NR5A2: variants seen among roughly 807,000 people sequenced by gnomAD.
The protein encoded by NR5A2 is nuclear receptor subfamily 5 group A member 2.
A neutral mutation model predicts 62.7 loss-of-function variants in NR5A2; 26 were observed. The observed-to-expected ratio is 0.41, with a 90% confidence interval of 0.30 to 0.58. NR5A2 has a LOEUF of 0.58. Among genes scored for constraint, NR5A2 ranks in the 20% least tolerant of loss-of-function variants. NR5A2 has a pLI of 0.22. For missense variants in NR5A2, 541 were observed against 669.1 expected, an observed-to-expected ratio of 0.81 and a Z score of 2.11; for synonymous variants, 246 against 241.7, an observed-to-expected ratio of 1.02 and a Z score of -0.16.
At chr1:200,040,707 C>A (rs1308846841) in intron 2 of NR5A2, among the ~76,000 whole-genome samples, 1 of 152,222 alleles carries the variant, frequency 6.6e-6, no homozygotes, top group African/African-American at 2.4e-5. Flanking sequence ...GATCCCGGAA[C>A]GCTTCCTGCC....
At chr1:200,111,444 AT>A in intron 6 of NR5A2, 123 bp downstream of exon 6, 3 of 1,097,570 alleles carry the variant, frequency 2.7e-6, no homozygotes, top group Non-Finnish European at 3.8e-6. Context: ...GCTGCCAATA[AT>A]TTAGAAAAGA....
intron 7 of NR5A2, among the ~76,000 whole-genome samples, chr1:200,148,728 T>G (rs1667841168): frequency 6.6e-6 from 1 of 152,234 alleles, no homozygotes; most frequent in Non-Finnish European, 1.5e-5. Flanking sequence ...TGATTTTCTC[T>G]TTTCTTTAAT....
intron 5 of NR5A2, among the ~76,000 whole-genome samples, chr1:200,099,525 A>G (rs1665266762): frequency 6.6e-6 from 1 of 152,052 alleles, no homozygotes; most frequent in African/African-American, 2.4e-5. Context: ...GGCAACCAAA[A>G]TCTTCCTTAA....
At position 200,074,782 on chromosome 1, in the gene NR5A2, A is replaced by G. The variant is rs201112167; in HGVS notation, c.1110+25964A>G. On this transcript the variant is annotated intron_variant, in intron 5 of 7. Transcript: ENST00000367362. Reference sequence around the variant, plus strand: ...CACGAGAGAAACACAAATCTCAAACACTTTAATTTTTTTTTTTTAAATCAC... The same window carrying G: ...CACGAGAGAAACACAAATCTCAAACGCTTTAATTTTTTTTTTTTAAATCAC... Among the ~76,000 whole-genome samples, 96 of 118,526 alleles carry G rather than the reference A, an allele frequency of 8.1e-4. 2 individuals carry two copies. The East Asian group carries it at 0.022, about 27-fold the overall frequency. 77.8% of individuals were successfully genotyped at this position (118,526 alleles called of 152,430 possible). A position where few individuals can be genotyped will look rare whatever the true frequency, so the allele number is the denominator to read the frequency against.
intron 5 of NR5A2, among the ~76,000 whole-genome samples, chr1:200,067,052 T>C (rs900621695): frequency 1.3e-5 from 2 of 152,222 alleles, no homozygotes; most frequent in East Asian, 1.9e-4. Flanking sequence ...ATTGCAGCTA[T>C]GTGAAAACCT....
chr1:200,148,521 C>T (rs779303732), intron 7 of NR5A2, among the ~76,000 whole-genome samples: 9 of 152,198 alleles, frequency 5.9e-5, no homozygotes, highest in South Asian at 2.1e-4. Context: ...CAAACTCAGA[C>T]TCTAGACAAG....
intron 3 of NR5A2, chr1:200,044,658 G>A (rs1272078369): frequency 6.6e-6 from 1 of 151,918 alleles, no homozygotes; most frequent in Non-Finnish European, 1.5e-5. Flanking sequence ...CCACCACCAG[G>A]AAAATCCCTC....
chr1:200,153,507 G>A (rs1653231141), intron 7 of NR5A2, among the ~76,000 whole-genome samples: 1 of 152,072 alleles, frequency 6.6e-6, no homozygotes, highest in Non-Finnish European at 1.5e-5. Context: ...TGCACAGTAG[G>A]GGCTTTCCAA....
chr1:200,172,207 T>A (rs1654214152), intron 7 of NR5A2, among the ~76,000 whole-genome samples: 1 of 152,236 alleles, frequency 6.6e-6, no homozygotes, highest in East Asian at 1.9e-4. Context: ...AGGTAGGACA[T>A]ATTGAAGGTA....
In NR5A2 at chr1:200,046,988, C is replaced by G. The variant is rs1662398387; in HGVS notation, c.464-1184C>G. Among the ~76,000 whole-genome samples the G allele has an allele frequency of 2.0e-5, 3 of 152,092 alleles. No individual in the cohort carries two copies. The South Asian group carries it at 6.2e-4, about 32-fold the overall frequency. ...TAAATTATCATCCAGATGAAAAACT[C>G]TTTATAATCTTGTGCAATATTCTGT... On this transcript the variant is annotated intron_variant, in intron 4 of 7. Coordinates refer to ENST00000367362, the MANE Select transcript of NR5A2 (RefSeq NM_205860.3).
intron 7 of NR5A2, among the ~76,000 whole-genome samples, chr1:200,156,916 T>C (rs1030675741): frequency 6.6e-6 from 1 of 152,154 alleles, no homozygotes; most frequent in Non-Finnish European, 1.5e-5. Context: ...ATGGGCTTAT[T>C]GAGACATAAC....
chr1:200,097,764 C>CG (rs1558136616), intron 5 of NR5A2, among the ~76,000 whole-genome samples: 1 of 152,048 alleles, frequency 6.6e-6, no homozygotes, highest in African/African-American at 2.4e-5. Context: ...AGTGTGTAGG[C>CG]GGTGTGTATG....
chr1:200,037,275 C>T (rs1206186478), intron 1 of NR5A2, among the ~76,000 whole-genome samples: 1 of 152,158 alleles, frequency 6.6e-6, no homozygotes, highest in Non-Finnish European at 1.5e-5. Flanking sequence ...TCCTGTCAGA[C>T]CCTCTTTCAA....
chr1:200,053,246 TGTAAA>T (rs1051595616), intron 5 of NR5A2, among the ~76,000 whole-genome samples: 3 of 152,092 alleles, frequency 2.0e-5, no homozygotes, highest in African/African-American at 7.2e-5. Flanking sequence ...TTAACACACT[TGTAAA>T]GGACAATTCT....
At chr1:200,156,361 C>G (rs1258289900) in intron 7 of NR5A2, among the ~76,000 whole-genome samples, 5 of 152,312 alleles carry the variant, frequency 3.3e-5, no homozygotes, top group Non-Finnish European at 5.9e-5. Context: ...GCAAAGCAAT[C>G]CACATCCAGT....
intron 5 of NR5A2, among the ~76,000 whole-genome samples, chr1:200,071,417 G>A (rs1366035303): frequency 9.9e-5 from 15 of 152,162 alleles, no homozygotes; most frequent in African/African-American, 2.6e-4. Flanking sequence ...CAACTTTATC[G>A]AAACAAAACC....
rs1654452612 is a variant in NR5A2, at chr1:200,177,065, T to C, written c.*2855T>C. Reference sequence around the variant, plus strand: ...GTGAAGTTTCTCTAATGTTGATTGTTAGCCGATTTGTAACCTGGCATTTAC... The same window carrying C: ...GTGAAGTTTCTCTAATGTTGATTGTCAGCCGATTTGTAACCTGGCATTTAC... On this transcript the variant is annotated 3_prime_UTR_variant, in exon 8 of 8. Coordinates refer to ENST00000367362, the MANE Select transcript of NR5A2 (RefSeq NM_205860.3). The C allele has an allele frequency of 6.6e-6, 1 of 152,314 alleles. No individual in the cohort carries two copies. The highest frequency in any genetic ancestry group is 6.5e-5 in the Admixed American group (1 of 15,286). The allele number at this position is 152,314 out of a possible 1,614,324, so 9.4% of individuals were successfully genotyped here.
chr1:200,158,758 GCT>G (rs1243724730), intron 7 of NR5A2, among the ~76,000 whole-genome samples: 1 of 152,148 alleles, frequency 6.6e-6, no homozygotes, highest in African/African-American at 2.4e-5. Context: ...AGTTCAAGTT[GCT>G]GAGTCTTACC....
intron 5 of NR5A2, among the ~76,000 whole-genome samples, chr1:200,085,507 A>G (rs929090570): frequency 6.6e-6 from 1 of 152,116 alleles, no homozygotes; most frequent in Non-Finnish European, 1.5e-5. Context: ...TCAGCATGTA[A>G]CTTCACTGTC....
Sources: gnomAD v4.1 joint callset for allele counts (sites outside exome capture counted in the v4.1 genomes callset) on GRCh38, gnomAD v4.1.1 for gene constraint, MANE v1.5 for transcripts, NCBI Gene and HGNC (gene_info 2026-07-23, HGNC 2026-07-21) for gene names.